The following CACNA2D3 variants were observed in gnomAD, a reference collection of about 807,000 sequenced individuals.
CACNA2D3 encodes calcium voltage-gated channel auxiliary subunit alpha2delta 3, also known as voltage-dependent calcium channel subunit alpha-2/delta-3.
Under a neutral mutation model 160.6 loss-of-function variants are expected in CACNA2D3, and 60 were observed. The ratio of observed to expected loss-of-function variants is 0.37; its 90% CI spans 0.30 to 0.46. The LOEUF (loss-of-function observed/expected upper bound fraction) is 0.46, where lower values mean the gene tolerates loss of function less well. Among genes scored for constraint, CACNA2D3 ranks in the 20% least tolerant of loss-of-function variants. The pLI, the probability that CACNA2D3 is intolerant of heterozygous loss-of-function variation, is 1.00. For missense variants in CACNA2D3, 1,205 were observed against 1,365.0 expected (o/e 0.88, Z 1.85); for synonymous variants, 558 against 492.9 (o/e 1.13, Z -1.75).
At chr3:54,607,964 T>C (rs773511803) in intron 9 of CACNA2D3, among the ~76,000 whole-genome samples, 3 of 152,010 alleles carry the variant, frequency 2.0e-5, no homozygotes, top group African/African-American at 7.3e-5. Flanking sequence ...AATAAAATTA[T>C]AGTGATAGAA....
At chr3:54,196,788 G>A (rs76663269) in intron 2 of CACNA2D3, among the ~76,000 whole-genome samples, 4,269 of 152,240 alleles carry the variant, frequency 0.028, 91 homozygotes, top group South Asian at 0.13. Context: ...GGCTCAAGGG[G>A]CATTGGAATT....
intron 16 of CACNA2D3, among the ~76,000 whole-genome samples, chr3:54,845,823 T>C (rs945128030): frequency 6.6e-6 from 1 of 152,196 alleles, no homozygotes; most frequent in Admixed American, 6.5e-5. Context: ...AGCCACACAA[T>C]TTGAAGACGA....
At chr3:54,639,519 T>A (rs1177154141) in intron 10 of CACNA2D3, 3 of 155,024 alleles carry the variant, frequency 1.9e-5, no homozygotes, top group Non-Finnish European at 2.9e-5. Flanking sequence ...AGGGAGAGAT[T>A]GAAGTGTGGC....
chr3:55,032,251 C>A (rs571371763), intron 35 of CACNA2D3, among the ~76,000 whole-genome samples: 35 of 152,186 alleles, frequency 2.3e-4, no homozygotes, highest in Non-Finnish European at 1.9e-4. Flanking sequence ...TTCCTGTTGG[C>A]ATCCATGTGG....
intron 13 of CACNA2D3, among the ~76,000 whole-genome samples, chr3:54,787,449 G>A (rs1015137856): frequency 1.3e-5 from 2 of 152,170 alleles, no homozygotes; most frequent in African/African-American, 2.4e-5. Context: ...TGTTCTAGGG[G>A]AGAAAGGAAA....
chr3:54,720,123 C>T (rs991825628), intron 11 of CACNA2D3, among the ~76,000 whole-genome samples: 1 of 151,794 alleles, frequency 6.6e-6, no homozygotes, highest in Non-Finnish European at 1.5e-5. Context: ...TTTGCTGTGT[C>T]ATCGATTTCT....
At chr3:54,469,216 C>G (rs1700685590) in intron 4 of CACNA2D3, among the ~76,000 whole-genome samples, 2 of 152,194 alleles carry the variant, frequency 1.3e-5, no homozygotes, top group African/African-American at 4.8e-5. Flanking sequence ...TGGGACGAAG[C>G]TTGCAGAGGA....
intron 2 of CACNA2D3, among the ~76,000 whole-genome samples, chr3:54,236,056 C>T (rs1701870892): frequency 1.3e-5 from 2 of 152,200 alleles, no homozygotes; most frequent in Admixed American, 1.3e-4. Flanking sequence ...CTCCCCAAAA[C>T]CTGTAACCTC....
chr3:54,930,794 A>G (rs1400033), intron 27 of CACNA2D3, among the ~76,000 whole-genome samples: 138,605 of 152,320 alleles, frequency 0.91, 63,254 homozygotes, highest in East Asian at 1. Context: ...GGTAGAGCAA[A>G]AGATCCAAAG....
At chr3:54,224,311 C>T (rs1701628895) in intron 2 of CACNA2D3, among the ~76,000 whole-genome samples, 1 of 151,994 alleles carries the variant, frequency 6.6e-6, no homozygotes, top group African/African-American at 2.4e-5. Context: ...GGAGTACACT[C>T]TAAAATAACA....
intron 11 of CACNA2D3, among the ~76,000 whole-genome samples, chr3:54,658,701 G>C (rs980649725): frequency 6.6e-6 from 1 of 152,166 alleles, no homozygotes; most frequent in African/African-American, 2.4e-5. Context: ...GATACAATCA[G>C]CAGAGTAAAG....
intron 2 of CACNA2D3, among the ~76,000 whole-genome samples, chr3:54,267,225 A>G (rs1702534696): frequency 6.6e-6 from 1 of 152,222 alleles, no homozygotes; most frequent in Non-Finnish European, 1.5e-5. Flanking sequence ...TCTACCTTTT[A>G]CAATTGACAG....
chr3:54,312,909 G>A (rs1022201366), intron 2 of CACNA2D3, among the ~76,000 whole-genome samples: 6 of 152,320 alleles, frequency 3.9e-5, no homozygotes, highest in East Asian at 3.9e-4. Context: ...GCACCAAGCC[G>A]GGGTTAGGCC....
chr3:54,293,544 A>G (rs141291151), intron 2 of CACNA2D3, among the ~76,000 whole-genome samples: 10 of 146,352 alleles, frequency 6.8e-5, no homozygotes, highest in African/African-American at 2.2e-4. Context: ...ATTCCTTTTC[A>G]TGACTGAGTA....
intron 29 of CACNA2D3, among the ~76,000 whole-genome samples, chr3:54,974,326 A>T (rs1331510432): frequency 6.6e-6 from 1 of 152,226 alleles, no homozygotes; most frequent in Non-Finnish European, 1.5e-5. Context: ...TCTCAGCAAC[A>T]TTATGAAATA....
intron 5 of CACNA2D3, among the ~76,000 whole-genome samples, chr3:54,514,036 T>C (rs1382680885): frequency 6.6e-6 from 1 of 152,226 alleles, no homozygotes; most frequent in Non-Finnish European, 1.5e-5. Context: ...TTTTGTCAAA[T>C]TGTGCTATTT....
intron 11 of CACNA2D3, among the ~76,000 whole-genome samples, chr3:54,684,220 A>ACTG (rs1700407886): frequency 6.6e-6 from 1 of 152,088 alleles, no homozygotes; most frequent in Admixed American, 6.6e-5. Flanking sequence ...TTGGCCTCCC[A>ACTG]AAGTGCTGGG....
chr3:54,843,271 T>G (rs1334868709), intron 16 of CACNA2D3, among the ~76,000 whole-genome samples: 2 of 152,150 alleles, frequency 1.3e-5, no homozygotes, highest in Non-Finnish European at 2.9e-5. Flanking sequence ...AAGTATAGCA[T>G]TTTTAGATGC....
At chr3:54,827,587 G>T (rs1703774420) in intron 14 of CACNA2D3, among the ~76,000 whole-genome samples, 1 of 152,208 alleles carries the variant, frequency 6.6e-6, no homozygotes, top group South Asian at 2.1e-4. Flanking sequence ...GCTGGACGTT[G>T]TGCACCAGCT....
Sources: gnomAD v4.1 joint callset for allele counts (sites outside exome capture counted in the v4.1 genomes callset) on GRCh38, gnomAD v4.1.1 for gene constraint, MANE v1.5 for transcripts, NCBI Gene and HGNC (gene_info 2026-07-23, HGNC 2026-07-21) for gene names.